The following AGL variants were observed in gnomAD, a reference collection of about 807,000 sequenced individuals.
AGL encodes amylo-alpha-1,6-glucosidase and 4-alpha-glucanotransferase.
In AGL, 128 loss-of-function variants were observed where a neutral mutation model predicts 199.3. That is an observed-to-expected ratio of 0.64 (90% CI 0.56 to 0.74). The LOEUF (loss-of-function observed/expected upper bound fraction) is 0.74, where lower values mean the gene tolerates loss of function less well. Ranked by LOEUF, AGL falls within the 30% of genes least tolerant of loss-of-function variation. AGL has a pLI of 0.00. For missense variants in AGL, 1,809 were observed against 1,820.8 expected (o/e 0.99, Z 0.12); for synonymous variants, 584 against 594.7 (o/e 0.98, Z 0.26).
In AGL at chr1:99,862,379, CT is replaced by C. The variant is rs1406033695; in HGVS notation, c.420del (p.Phe140LeufsTer18). 6.2e-7 allele frequency: 1 copy of C among 1,614,024 alleles called. No individual in the cohort carries two copies. Among genetic ancestry groups the C allele is most frequent in the African/African-American group, 1.3e-5 (1 of 75,008 alleles). On this transcript the variant is annotated frameshift_variant, in exon 4 of 34. Coordinates refer to ENST00000361915, the MANE Select transcript of AGL (RefSeq NM_000642.3). LOFTEE classifies it high-confidence loss of function. ...LQTFLAKCLG[P>X]FDEWESRLRV... ...ACATTTTTAGCTAAGTGTTTGGGAC[CT>C]TTTGATGAATGGGAAAGCAGACTTA...
chr1:99,909,677 G>A (rs1654594242), intron 27 of AGL, among the ~76,000 whole-genome samples: 1 of 151,914 alleles, frequency 6.6e-6, no homozygotes, highest in Non-Finnish European at 1.5e-5. Flanking sequence ...AAAAACCAGG[G>A]AACTCACCAC....
rs1184815690 is a variant in AGL, at chr1:99,876,546, C to T, written c.1372C>T (p.His458Tyr). 1 of 1,613,940 alleles carries T rather than the reference C, an allele frequency of 6.2e-7. No homozygotes were observed. The highest frequency in any genetic ancestry group is 8.5e-7 in the Non-Finnish European group (1 of 1,179,920). The change falls in exon 11 of 34, where the codon CAC (histidine) becomes TAC (tyrosine). Residue 458 changes from histidine to tyrosine, a missense_variant. Transcript: ENST00000361915. ...LPNKACFLMA[H>Y]NGWVMGDDPL... ...AAATAAAGCTTGTTTTCTGATGGCA[C>T]ACAATGGATGGGTAATGGGAGATGA...
At chr1:99,909,004 T>C (rs993709521) in intron 27 of AGL, among the ~76,000 whole-genome samples, 4 of 152,160 alleles carry the variant, frequency 2.6e-5, no homozygotes, top group African/African-American at 9.7e-5. Context: ...GGACTTCCTA[T>C]ACAGCTTTAA....
Position 99,875,207 on chromosome 1 carries a change from A to G in AGL, c.1136A>G (p.Glu379Gly). 1 of 1,614,184 alleles carries G rather than the reference A, an allele frequency of 6.2e-7. No individual in the cohort carries two copies. The highest frequency in any genetic ancestry group is 8.5e-7 in the Non-Finnish European group (1 of 1,180,010). The change falls in exon 9 of 34, where the codon GAG (glutamate) becomes GGG (glycine). Residue 379 changes from glutamate to glycine, a missense_variant. Physicochemically the swap from Glu to Gly is moderately conservative, Grantham distance 98. Coordinates refer to ENST00000361915, the MANE Select transcript of AGL (RefSeq NM_000642.3). ...TGTAATTGGTTTCATAAAAGAATGG[A>G]GGAATTAAATTCAGAGAAGCATCGA... is the stretch of plus-strand genomic sequence containing the variant. ...ECCNWFHKRMEELNSEKHRLI... is the reference protein window; with the variant it reads ...ECCNWFHKRMGELNSEKHRLI...
intron 33 of AGL, among the ~76,000 whole-genome samples, chr1:99,920,425 G>T (rs1655437406): frequency 1.3e-5 from 2 of 152,120 alleles, no homozygotes; most frequent in Non-Finnish European, 1.5e-5. Context: ...TTCCAAACAG[G>T]TTCACATTCT....
At position 99,870,827 on chromosome 1, in the gene AGL, G is replaced by A. The variant is rs764208593; in HGVS notation, c.916G>A (p.Val306Ile). ...ACTCTGGGAATTTTTCCAAGTAGAT[G>A]TCAACAAAGCGGTTGAGCAATTTAG... ...LKLWEFFQVD[V>I]NKAVEQFRRL... Residue 306 changes from valine to isoleucine, a missense_variant, in exon 7 of 34, where the codon GTC becomes ATC. Transcript: ENST00000361915. 3 of 1,611,206 alleles carry A rather than the reference G, an allele frequency of 1.9e-6. No homozygotes were observed. Among genetic ancestry groups the A allele is most frequent in the African/African-American group, 1.3e-5 (1 of 74,820 alleles).
At chr1:99,857,584 T>C (rs1449955719) in intron 2 of AGL, among the ~76,000 whole-genome samples, 10 of 151,590 alleles carry the variant, frequency 6.6e-5, no homozygotes, top group South Asian at 4.2e-4. Context: ...CCGAGGCTGG[T>C]GGATCACTCG....
At chr1:99,909,527 C>T (rs201875172) in intron 27 of AGL, among the ~76,000 whole-genome samples, 2 of 152,140 alleles carry the variant, frequency 1.3e-5, no homozygotes, top group East Asian at 3.9e-4. Flanking sequence ...GGTAGGGTCC[C>T]TCTTTCCTTT....
intron 8 of AGL, 122 bp from the exon 9 acceptor site, chr1:99,875,032 C>A: frequency 9.5e-7 from 1 of 1,050,500 alleles, no homozygotes; most frequent in Non-Finnish European, 1.4e-6. Context: ...AAAACATCAT[C>A]AGCCATAATT....
At chr1:99,851,215 T>C in intron 2 of AGL, 91 bp downstream of exon 2, 2 of 1,154,666 alleles carry the variant, frequency 1.7e-6, no homozygotes. Flanking sequence ...AGCTCTAAGA[T>C]AAATATTATT....
chr1:99,891,363 A>G lies in AGL; in HGVS notation c.2949+7A>G, dbSNP rs1383169377. ...ATCAGGAACTATTGCTGAAGTAAGT[A>G]GAGCTATATTATCGTCCCAAAAAAT... On this transcript the variant is annotated splice_region_variant and intron_variant, in intron 22 of 33. Coordinates refer to ENST00000361915, the MANE Select transcript of AGL (RefSeq NM_000642.3). The G allele has an allele frequency of 2.5e-6, 4 of 1,613,430 alleles. No individual in the cohort carries two copies. The highest frequency in any genetic ancestry group is 1.7e-5 in the Admixed American group (1 of 59,966).
chr1:99,869,156 A>G (rs1349898115), intron 5 of AGL, among the ~76,000 whole-genome samples: 4 of 152,044 alleles, frequency 2.6e-5, no homozygotes, highest in Admixed American at 6.6e-5. Flanking sequence ...TGAAAATCCT[A>G]TTTGGACATA....
intron 12 of AGL, among the ~76,000 whole-genome samples, chr1:99,878,153 G>A (rs1411611540): frequency 6.6e-6 from 1 of 152,008 alleles, no homozygotes; most frequent in Admixed American, 6.6e-5. Context: ...TTTTTAGGTT[G>A]CTTTCAATAT....
intron 24 of AGL, among the ~76,000 whole-genome samples, chr1:99,892,927 T>A (rs1429620015): frequency 3.3e-5 from 5 of 152,078 alleles, no homozygotes; most frequent in Non-Finnish European, 5.9e-5. Context: ...CCCCCAATTT[T>A]AAAAAATAAA....
rs1442780879 is a variant in AGL, at chr1:99,922,181, A to T, written c.*530A>T. 1.3e-5 allele frequency: 2 copies of T among 151,950 alleles called. No individual in the cohort carries two copies. Among genetic ancestry groups the T allele is most frequent in the Non-Finnish European group, 2.9e-5 (2 of 67,888 alleles). The allele number at this position is 151,950 out of a possible 1,614,324, so 9.4% of individuals were successfully genotyped here. On this transcript the variant is annotated 3_prime_UTR_variant, in exon 34 of 34. Transcript: ENST00000361915. ...ATATATGTTCCTAAATGGAGCACAG[A>T]TGTTCAAACTATGCTTTCATTTTTT...
At chr1:99,888,257 T>A in intron 21 of AGL, 149 bp downstream of exon 21, 2 of 923,324 alleles carry the variant, frequency 2.2e-6, no homozygotes, top group Non-Finnish European at 3.3e-6. Context: ...CTTTGGCAAG[T>A]AATATAACCT....
chr1:99,898,326 G>A (rs1228924735), intron 25 of AGL, among the ~76,000 whole-genome samples: 2 of 152,100 alleles, frequency 1.3e-5, no homozygotes, highest in Admixed American at 6.5e-5. Flanking sequence ...GATTACAGGC[G>A]TGAGCCACTG....
chr1:99,857,297 G>A (rs1408620565), intron 2 of AGL, among the ~76,000 whole-genome samples: 2 of 151,774 alleles, frequency 1.3e-5, no homozygotes, highest in East Asian at 1.9e-4. Flanking sequence ...ATGGGATGGC[G>A]GCCGGGAAGA....
At chr1:99,911,945 C>T (rs1654779913) in intron 28 of AGL, among the ~76,000 whole-genome samples, 1 of 152,002 alleles carries the variant, frequency 6.6e-6, no homozygotes, top group African/African-American at 2.4e-5. Context: ...AATAAGTTGC[C>T]ATCTTTACAT....
Sources: allele counts gnomAD v4.1 joint callset (sites outside exome capture counted in the v4.1 genomes callset), GRCh38; gene constraint gnomAD v4.1.1; transcripts MANE v1.5; gene names NCBI Gene and HGNC (gene_info 2026-07-23, HGNC 2026-07-21).